Variants in BCAT1 observed in about 807,000 individuals in gnomAD.
The protein encoded by BCAT1 is branched chain amino acid transaminase 1.
BCAT1 carries 48 observed loss-of-function variants against 52.4 expected under a neutral mutation model. The ratio of observed to expected loss-of-function variants is 0.92; its 90% CI spans 0.73 to 1.16. BCAT1 has a LOEUF of 1.16. BCAT1 is among the 50% of genes most tolerant of loss of function. The pLI, the probability that BCAT1 is intolerant of heterozygous loss-of-function variation, is 0.00. For synonymous variants in BCAT1, 167 were observed against 161.3 expected (o/e 1.04, Z -0.27); for missense variants, 451 against 457.1 (o/e 0.99, Z 0.12).
intron 10 of BCAT1, among the ~76,000 whole-genome samples, chr12:24,819,117 C>T (rs1188555475): frequency 6.7e-6 from 1 of 149,534 alleles, no homozygotes; most frequent in African/African-American, 2.4e-5. Context: ...AGCCCAGACC[C>T]TAACCAAGCT....
intron 5 of BCAT1, among the ~76,000 whole-genome samples, chr12:24,878,194 C>T (rs939949760): frequency 6.6e-6 from 1 of 151,152 alleles, no homozygotes; most frequent in Non-Finnish European, 1.5e-5. Context: ...TCATTTCCTA[C>T]CTAAGGTCAC....
intron 5 of BCAT1, among the ~76,000 whole-genome samples, chr12:24,872,838 T>G (rs1234637305): frequency 1.3e-5 from 2 of 152,210 alleles, no homozygotes; most frequent in African/African-American, 4.8e-5. Flanking sequence ...TTCAGTATTG[T>G]CTCACTCTAC....
At chr12:24,943,579 G>C (rs1229501001) in intron 1 of BCAT1, among the ~76,000 whole-genome samples, 1 of 149,250 alleles carries the variant, frequency 6.7e-6, no homozygotes, top group Non-Finnish European at 1.5e-5. Flanking sequence ...TAGCACAATA[G>C]ACTAGGAGTC....
At chr12:24,901,909 T>G (rs1272545396) in intron 1 of BCAT1, 24 bp from the exon 2 acceptor site, 1 of 1,613,308 alleles carries the variant, frequency 6.2e-7, no homozygotes, top group African/African-American at 1.3e-5. Context: ...TAAACCACCA[T>G]TAAGTAAATG....
chr12:24,939,084 G>A (rs1943812317), intron 1 of BCAT1, among the ~76,000 whole-genome samples: 2 of 152,152 alleles, frequency 1.3e-5, no homozygotes, highest in African/African-American at 4.8e-5. Context: ...ATGTTGGTCA[G>A]GCTAGTCTCG....
intron 2 of BCAT1, among the ~76,000 whole-genome samples, chr12:24,898,546 T>TTTTTTTTTTTTTTC (rs1943015114): frequency 6.9e-6 from 1 of 145,060 alleles, no homozygotes; most frequent in Non-Finnish European, 1.5e-5. Context: ...TTTTTTTTTT[T>TTTTTTTTTTTTTTC]GCTCTGTTGC....
chr12:24,897,286 C>T (rs1456779968), intron 2 of BCAT1, among the ~76,000 whole-genome samples: 1 of 152,096 alleles, frequency 6.6e-6, no homozygotes, highest in East Asian at 1.9e-4. Flanking sequence ...CCCACAATAA[C>T]CCACTAATCC....
intron 1 of BCAT1, among the ~76,000 whole-genome samples, chr12:24,930,195 CTG>C (rs1943657529): frequency 6.6e-6 from 1 of 152,236 alleles, no homozygotes; most frequent in African/African-American, 2.4e-5. Flanking sequence ...GTGGAGACCA[CTG>C]CCTTGCACAG....
intron 1 of BCAT1, chr12:24,945,437 G>A (rs1045173470): frequency 6.6e-6 from 1 of 152,234 alleles, no homozygotes; most frequent in Non-Finnish European, 1.5e-5. Context: ...CCATATGTTA[G>A]GTGAAATGTA....
intron 1 of BCAT1, among the ~76,000 whole-genome samples, chr12:24,909,242 T>C (rs1943275699): frequency 6.6e-6 from 1 of 152,194 alleles, no homozygotes; most frequent in Admixed American, 6.5e-5. Context: ...ATTATTTACA[T>C]GCTTCCTGGT....
At chr12:24,894,061 A>G (rs1197592029) in intron 3 of BCAT1, among the ~76,000 whole-genome samples, 2 of 152,192 alleles carry the variant, frequency 1.3e-5, no homozygotes, top group Non-Finnish European at 2.9e-5. Context: ...TTTTTTATTG[A>G]CGTCACAGAA....
At chr12:24,818,247 G>A (rs1397988339) in intron 10 of BCAT1, among the ~76,000 whole-genome samples, 198 bp from the exon 11 acceptor site, 2 of 152,062 alleles carry the variant, frequency 1.3e-5, no homozygotes, top group Non-Finnish European at 2.9e-5. Context: ...TAAAACATAA[G>A]ATAAAAGCAT....
At chr12:24,826,793 G>A (rs760358198) in intron 10 of BCAT1, among the ~76,000 whole-genome samples, 9 of 152,042 alleles carry the variant, frequency 5.9e-5, no homozygotes, top group Non-Finnish European at 1.2e-4. Flanking sequence ...CCACCTTTGT[G>A]TGTTTTCTTC....
intron 3 of BCAT1, among the ~76,000 whole-genome samples, chr12:24,891,244 G>A (rs1942829698): frequency 1.3e-5 from 2 of 152,130 alleles, no homozygotes; most frequent in African/African-American, 4.8e-5. Context: ...AGTAATGCCG[G>A]AAGAGCCTTC....
chr12:24,943,592 T>C (rs1874598), intron 1 of BCAT1, among the ~76,000 whole-genome samples: 40 of 152,030 alleles, frequency 2.6e-4, no homozygotes, highest in African/African-American at 9.6e-4. Context: ...TAGGAGTCTG[T>C]CTACTTTCTC....
chr12:24,872,513 C>T (rs907249478), intron 5 of BCAT1, among the ~76,000 whole-genome samples: 1 of 152,236 alleles, frequency 6.6e-6, no homozygotes, highest in Non-Finnish European at 1.5e-5. Context: ...GCATCCAATG[C>T]TGGTATTAAC....
At chr12:24,836,717 T>A in intron 7 of BCAT1, 121 bp from the exon 8 acceptor site, 1 of 813,026 alleles carries the variant, frequency 1.2e-6, no homozygotes, top group South Asian at 1.6e-5. Context: ...AAGAAAATTT[T>A]ACTGTTCTGC....
intron 7 of BCAT1, among the ~76,000 whole-genome samples, chr12:24,839,194 G>A (rs1941097036): frequency 6.6e-6 from 1 of 152,190 alleles, no homozygotes. Context: ...AGGAGAAATG[G>A]GAAATGGAGT....
chr12:24,947,197 AC>A, intron 1 of BCAT1, among the ~76,000 whole-genome samples: 1 of 151,712 alleles, frequency 6.6e-6, no homozygotes, highest in Non-Finnish European at 1.5e-5. Context: ...ACACACACAC[AC>A]ACACACACAC....
Sources: allele counts gnomAD v4.1 joint callset (sites outside exome capture counted in the v4.1 genomes callset), GRCh38; gene constraint gnomAD v4.1.1; transcripts MANE v1.5; gene names NCBI Gene and HGNC (gene_info 2026-07-23, HGNC 2026-07-21).